The following NBEA variants were observed in gnomAD, a reference collection of about 807,000 sequenced individuals.
NBEA encodes the protein lysosomal-trafficking regulator 2.
In NBEA, 44 loss-of-function variants were observed where a neutral mutation model predicts 343.4. The ratio of observed to expected loss-of-function variants is 0.13; its 90% CI spans 0.10 to 0.16. The LOEUF (loss-of-function observed/expected upper bound fraction) is 0.16. Among genes scored for constraint, NBEA ranks in the 10% least tolerant of loss-of-function variants. The pLI is 1.00. For missense variants in NBEA, 2,555 were observed against 3,631.3 expected, an observed-to-expected ratio of 0.70 and a Z score of 7.62; for synonymous variants, 1,175 against 1,238.7, an observed-to-expected ratio of 0.95 and a Z score of 1.08.
intron 1 of NBEA, among the ~76,000 whole-genome samples, chr13:34,970,647 C>T (rs2059968804): frequency 6.6e-6 from 1 of 152,090 alleles, no homozygotes; most frequent in African/African-American, 2.4e-5. Context: ...AATCCTTTCC[C>T]CATTGCTTGT....
At chr13:35,403,589 T>A (rs1480048032) in intron 38 of NBEA, among the ~76,000 whole-genome samples, 1 of 152,054 alleles carries the variant, frequency 6.6e-6, no homozygotes, top group Non-Finnish European at 1.5e-5. Flanking sequence ...CCTTACACCT[T>A]ATACAAAAAT....
chr13:35,497,175 CT>C (rs1300083358), intron 41 of NBEA, among the ~76,000 whole-genome samples: 1 of 152,052 alleles, frequency 6.6e-6, no homozygotes, highest in African/African-American at 2.4e-5. Context: ...AACATTGCCA[CT>C]TAAAGTGATT....
chr13:35,520,890 C>A (rs1196816410), intron 41 of NBEA, among the ~76,000 whole-genome samples: 1 of 152,030 alleles, frequency 6.6e-6, no homozygotes, highest in Admixed American at 6.6e-5. Context: ...ATAAATGAAA[C>A]TTTTTTCGGA....
chr13:35,625,453 C>T (rs1209376456), intron 48 of NBEA, among the ~76,000 whole-genome samples: 1 of 151,854 alleles, frequency 6.6e-6, no homozygotes, highest in East Asian at 1.9e-4. Flanking sequence ...CCTGTCCCTG[C>T]AATACAAAAA....
chr13:35,320,800 A>G (rs748503220), intron 36 of NBEA, among the ~76,000 whole-genome samples: 1 of 151,942 alleles, frequency 6.6e-6, no homozygotes, highest in Non-Finnish European at 1.5e-5. Flanking sequence ...ACTGCTTTTA[A>G]TTCTTTTTCT....
intron 34 of NBEA, among the ~76,000 whole-genome samples, chr13:35,238,861 A>G (rs2075356562): frequency 6.6e-6 from 1 of 152,112 alleles, no homozygotes; most frequent in Non-Finnish European, 1.5e-5. Context: ...AAAAGTATAT[A>G]AATATAGCAT....
chr13:35,601,511 C>T (rs1349940524), intron 47 of NBEA, among the ~76,000 whole-genome samples: 1 of 151,902 alleles, frequency 6.6e-6, no homozygotes, highest in Non-Finnish European at 1.5e-5. Context: ...TGCCTGTAAT[C>T]CCAGCCCTTT....
At chr13:35,296,742 CTA>C (rs148816146) in intron 35 of NBEA, among the ~76,000 whole-genome samples, 4 of 150,854 alleles carry the variant, frequency 2.7e-5, no homozygotes, top group Admixed American at 6.6e-5. Context: ...ATAGTGAAAA[CTA>C]TATATATATA....
chr13:34,971,835 A>G (rs527831622), intron 1 of NBEA, among the ~76,000 whole-genome samples: 70 of 142,540 alleles, frequency 4.9e-4, no homozygotes, highest in African/African-American at 1.7e-3. Context: ...TTTTTTTTGT[A>G]TCAGGATGAT....
intron 41 of NBEA, among the ~76,000 whole-genome samples, chr13:35,492,773 G>C (rs972138559): frequency 1.3e-5 from 2 of 151,948 alleles, no homozygotes; most frequent in African/African-American, 4.8e-5. Flanking sequence ...ATACAACTAG[G>C]CCTCAGTTTT....
chr13:35,637,825 AAAG>A (rs1395078340), intron 49 of NBEA, among the ~76,000 whole-genome samples: 1 of 139,950 alleles, frequency 7.1e-6, no homozygotes, highest in Non-Finnish European at 1.5e-5. Context: ...CCATCTCAAA[AAAG>A]AAAAAAAAAA....
chr13:35,226,684 C>CT (rs74262863), intron 33 of NBEA, among the ~76,000 whole-genome samples: 5,003 of 132,194 alleles, frequency 0.038, 97 homozygotes, highest in African/African-American at 0.044. Context: ...TGTTCTACAT[C>CT]TTTTTTTTTT....
intron 1 of NBEA, among the ~76,000 whole-genome samples, chr13:35,013,435 T>C (rs909605290): frequency 6.6e-6 from 1 of 152,120 alleles, no homozygotes; most frequent in African/African-American, 2.4e-5. Context: ...AGTTTCTTTT[T>C]CCTTTATACA....
intron 40 of NBEA, among the ~76,000 whole-genome samples, chr13:35,459,490 A>AG (rs1471801335): frequency 2.0e-5 from 3 of 150,322 alleles, no homozygotes; most frequent in Admixed American, 2.0e-4. Context: ...AGATTGTGAT[A>AG]GAAAAAAAAA....
chr13:35,320,930 T>G (rs1486328802), intron 36 of NBEA, among the ~76,000 whole-genome samples: 1 of 152,098 alleles, frequency 6.6e-6, no homozygotes, highest in Non-Finnish European at 1.5e-5. Flanking sequence ...TGTTGTGTTT[T>G]TCAGCTGTGT....
intron 33 of NBEA, among the ~76,000 whole-genome samples, chr13:35,230,078 A>G (rs1451214943): frequency 6.6e-6 from 1 of 152,124 alleles, no homozygotes; most frequent in East Asian, 1.9e-4. Context: ...GATACGTAAG[A>G]GCAACATTTA....
intron 10 of NBEA, among the ~76,000 whole-genome samples, chr13:35,087,765 A>G (rs570944037): frequency 6.6e-6 from 1 of 152,046 alleles, no homozygotes; most frequent in Admixed American, 6.6e-5. Context: ...AGACACTTGG[A>G]CAGAATAGTC....
intron 38 of NBEA, among the ~76,000 whole-genome samples, chr13:35,425,972 C>G (rs2044639982): frequency 6.6e-6 from 1 of 152,148 alleles, no homozygotes; most frequent in East Asian, 1.9e-4. Flanking sequence ...ATTGCAACCC[C>G]TGGCTTTTTC....
chr13:35,055,975 A>G (rs767530357), intron 6 of NBEA, 35 bp from the exon 7 acceptor site: 26 of 1,516,278 alleles, frequency 1.7e-5, no homozygotes, highest in Non-Finnish European at 1.8e-5. Flanking sequence ...ACAACCAAAC[A>G]TTACATATTG....
Sources: gnomAD v4.1 joint callset for allele counts (sites outside exome capture counted in the v4.1 genomes callset) on GRCh38, gnomAD v4.1.1 for gene constraint, MANE v1.5 for transcripts, NCBI Gene and HGNC (gene_info 2026-07-23, HGNC 2026-07-21) for gene names.